Variants in MRPL45 observed in about 807,000 individuals in gnomAD.
The protein encoded by MRPL45 is large ribosomal subunit protein mL45.
In MRPL45, 20 loss-of-function variants were observed where a neutral mutation model predicts 38.1. The observed-to-expected ratio is 0.53, with a 90% CI of 0.37 to 0.76. The LOEUF is 0.76. Among genes scored for constraint, MRPL45 ranks in the 30% least tolerant of loss-of-function variants. The pLI is 0.00. For missense variants in MRPL45, 337 were observed against 395.6 expected (o/e 0.85, Z 1.26); for synonymous variants, 105 against 128.8 (o/e 0.82, Z 1.25).
In MRPL45 at chr17:38,299,459, C is replaced by T. The variant is rs2036970578; in HGVS notation, c.353C>T (p.Ser118Leu). Residue 118 changes from serine (S) to leucine (L), a missense_variant, in exon 3 of 8, where the codon TCA becomes TTA. This residue lies in a region of MRPL45 where 251 missense variants were observed against 269.1 expected (regional missense o/e 0.93). Coordinates refer to ENST00000613675, the MANE Select transcript of MRPL45 (RefSeq NM_032351.6). ...RTERMKKTMASQVSIRRIKDY... is the reference protein window; with the variant it reads ...RTERMKKTMALQVSIRRIKDY... Reference sequence around the variant, plus strand: ...GAACGAATGAAGAAGACTATGGCATCACAAGTGTCGTAGGTGTCTGAGACA... The same window carrying T: ...GAACGAATGAAGAAGACTATGGCATTACAAGTGTCGTAGGTGTCTGAGACA... 4.4e-6 allele frequency: 7 copies of T among 1,597,676 alleles called. No homozygotes were observed. Among genetic ancestry groups the T allele is most frequent in the South Asian group, 3.5e-5 (3 of 86,930 alleles).
chr17:38,299,926 T>A (rs985054804), intron 3 of MRPL45, among the ~76,000 whole-genome samples: 4 of 151,028 alleles, frequency 2.6e-5, no homozygotes, highest in Non-Finnish European at 5.9e-5. Flanking sequence ...AGTAGAGATG[T>A]GGTTTCTCCA....
intron 3 of MRPL45, among the ~76,000 whole-genome samples, chr17:38,303,290 ATTT>A (rs776250748): frequency 3.9e-5 from 4 of 103,428 alleles, no homozygotes; most frequent in African/African-American, 8.3e-5. Context: ...AAAACATTAA[ATTT>A]TTTTTTTTTT....
chr17:38,301,075 T>C (rs2036990818), intron 3 of MRPL45, among the ~76,000 whole-genome samples: 1 of 152,164 alleles, frequency 6.6e-6, no homozygotes, highest in Non-Finnish European at 1.5e-5. Flanking sequence ...TATAATCTGG[T>C]CCTTGCCTTT....
intron 4 of MRPL45, among the ~76,000 whole-genome samples, chr17:38,309,571 C>T (rs1027798294): frequency 6.6e-6 from 1 of 150,790 alleles, no homozygotes; most frequent in African/African-American, 2.4e-5. Flanking sequence ...TAGTATTCAG[C>T]AATTTACTAT....
Position 38,298,581 on chromosome 17 carries a change from A to G in MRPL45, c.199A>G (p.Ile67Val). 1 of 1,613,452 alleles carries G rather than the reference A, an allele frequency of 6.2e-7. No homozygotes were observed. Among genetic ancestry groups the G allele is most frequent in the Non-Finnish European group, 8.5e-7 (1 of 1,179,644 alleles). The change falls in exon 2 of 8, where the codon ATT becomes GTT. Residue 67 changes from isoleucine to valine, a missense_variant. Transcript: ENST00000613675. ...MQHARKAGLV[I>V]PPEKSDRSIH... ...ACATGCCCGGAAAGCAGGATTGGTT[A>G]TTCCTCCAGAAAAATCGGACCGTTC...
rs747141912 is a variant in MRPL45 at position 38,320,599 on chromosome 17, T to A, written c.511-19T>A. ...AGGGAGGGAAAAATGCAGTTGAACTTGTTCTCCTTTGCCCTTAGGACATGA... is the reference window on the plus strand; with the variant it reads ...AGGGAGGGAAAAATGCAGTTGAACTAGTTCTCCTTTGCCCTTAGGACATGA... On this transcript the variant is annotated intron_variant, in intron 5 of 7. Coordinates refer to ENST00000613675, the MANE Select transcript of MRPL45 (RefSeq NM_032351.6). 1 of 1,610,884 alleles carries A rather than the reference T, an allele frequency of 6.2e-7. No homozygotes were observed. The highest frequency in any genetic ancestry group is 1.1e-5 in the South Asian group (1 of 90,930).
At chr17:38,309,892 C>G (rs1444372734) in intron 4 of MRPL45, among the ~76,000 whole-genome samples, 1 of 152,106 alleles carries the variant, frequency 6.6e-6, no homozygotes, top group Non-Finnish European at 1.5e-5. Context: ...TTTCTCGTCT[C>G]CTTGTGTAGT....
chr17:38,316,580 G>A (rs939427203), intron 4 of MRPL45, among the ~76,000 whole-genome samples: 10 of 151,314 alleles, frequency 6.6e-5, no homozygotes, highest in African/African-American at 9.7e-5. Context: ...AGGCCGAGGC[G>A]GGCAGATCAC....
chr17:38,313,368 G>A (rs1456191337), intron 4 of MRPL45, among the ~76,000 whole-genome samples: 9 of 17,044 alleles, frequency 5.3e-4, no homozygotes, highest in African/African-American at 2.2e-3. Flanking sequence ...ATATATATAC[G>A]TATATATATA....
chr17:38,299,221 C>T, intron 2 of MRPL45, 130 bp from the exon 3 acceptor site: 1 of 628,226 alleles, frequency 1.6e-6, no homozygotes, highest in Non-Finnish European at 2.7e-6. Context: ...ACATAGTTCT[C>T]TCTACATGGA....
At position 38,320,641 on chromosome 17, in the gene MRPL45, T is replaced by C; in HGVS notation, c.534T>C (p.Tyr178=). 1.9e-6 allele frequency: 3 copies of C among 1,614,162 alleles called. No homozygotes were observed. Among genetic ancestry groups the C allele is most frequent in the Non-Finnish European group, 1.7e-6 (2 of 1,180,032 alleles). Residue 178 remains tyrosine, a synonymous_variant, in exon 6 of 8, where the codon TAT becomes TAC. Coordinates refer to ENST00000613675, the MANE Select transcript of MRPL45 (RefSeq NM_032351.6). ...CFPDMTWDIK[Y]KTVRWSFVES... is the part of the protein sequence containing the mutation. ...AGGACATGACTTGGGACATCAAATA[T>C]AAGACCGTCCGCTGGAGCTTTGTGG...
intron 1 of MRPL45, among the ~76,000 whole-genome samples, chr17:38,298,133 G>A (rs2036955866): frequency 6.6e-6 from 1 of 152,140 alleles, no homozygotes; most frequent in Non-Finnish European, 1.5e-5. Context: ...TTGAGTTGGT[G>A]TTTCCCCATC....
chr17:38,312,116 C>T (rs1279144768), intron 4 of MRPL45, among the ~76,000 whole-genome samples: 4 of 150,682 alleles, frequency 2.7e-5, no homozygotes, highest in Non-Finnish European at 5.9e-5. Context: ...GCTCGATCTC[C>T]AGTCACTGCA....
intron 5 of MRPL45, 148 bp from the exon 6 acceptor site, chr17:38,320,470 G>T: frequency 5.1e-6 from 4 of 781,484 alleles, no homozygotes; most frequent in Non-Finnish European, 6.2e-6. Context: ...TTGAGAAGGT[G>T]CAAGAGAAAA....
At chr17:38,301,070 T>A (rs1175437924) in intron 3 of MRPL45, among the ~76,000 whole-genome samples, 1 of 152,238 alleles carries the variant, frequency 6.6e-6, no homozygotes, top group Non-Finnish European at 1.5e-5. Context: ...GCTTTTATAA[T>A]CTGGTCCTTG....
rs765714356 is a variant in MRPL45, at chr17:38,320,751, G to A, written c.644G>A (p.Arg215His). 2.2e-5 allele frequency: 36 copies of A among 1,613,884 alleles called. No homozygotes were observed. Among genetic ancestry groups the A allele is most frequent in the East Asian group, 1.6e-4 (7 of 44,900 alleles). Residue 215 changes from arginine to histidine, a missense_variant, in exon 6 of 8, where the codon CGC becomes CAC. Physicochemically the swap from Arg to His is conservative, Grantham distance 29. Coordinates refer to ENST00000613675, the MANE Select transcript of MRPL45 (RefSeq NM_032351.6). ...AACGTGTACGGCCAGATCACCGTACGCATGCACACCCGGCAGGTAGAGGCA... is the reference window on the plus strand; with the variant it reads ...AACGTGTACGGCCAGATCACCGTACACATGCACACCCGGCAGGTAGAGGCA... ...QGNVYGQITVRMHTRQTLAIY... is the reference protein window; with the variant it reads ...QGNVYGQITVHMHTRQTLAIY...
intron 4 of MRPL45, among the ~76,000 whole-genome samples, chr17:38,315,639 A>C (rs2037166001): frequency 6.6e-6 from 1 of 151,568 alleles, no homozygotes; most frequent in African/African-American, 2.4e-5. Context: ...TCTTGGTATG[A>C]ATTTCTTTCA....
intron 4 of MRPL45, among the ~76,000 whole-genome samples, chr17:38,309,962 T>C (rs1011999765): frequency 3.3e-5 from 5 of 152,174 alleles, no homozygotes; most frequent in African/African-American, 1.2e-4. Flanking sequence ...AGCTCTTTTC[T>C]ATATTTTTCC....
At chr17:38,310,040 A>G (rs1332165076) in intron 4 of MRPL45, among the ~76,000 whole-genome samples, 1 of 150,500 alleles carries the variant, frequency 6.6e-6, no homozygotes, top group African/African-American at 2.4e-5. Flanking sequence ...TCCTCTTTTC[A>G]GTTGTAGCTA....
Sources: gnomAD v4.1 joint callset for allele counts (sites outside exome capture counted in the v4.1 genomes callset) on GRCh38, gnomAD v4.1.1 for gene constraint, gnomAD v4.1.1 regional missense constraint, MANE v1.5 for transcripts, NCBI Gene and HGNC (gene_info 2026-07-23, HGNC 2026-07-21) for gene names.